PCIF1: variants seen among roughly 807,000 people sequenced by gnomAD.
PCIF1 encodes the protein mRNA (2'-O-methyladenosine-N(6)-)-methyltransferase.
In PCIF1, 12 loss-of-function variants were observed where a neutral mutation model predicts 86.9. That is an observed-to-expected ratio of 0.14 (90% CI 0.09 to 0.22). PCIF1 has a LOEUF of 0.22. Ranked by LOEUF, PCIF1 falls within the 10% of genes least tolerant of loss-of-function variation. The pLI, the probability that PCIF1 is intolerant of heterozygous loss-of-function variation, is 1.00. For synonymous variants in PCIF1, 397 were observed against 372.0 expected, an observed-to-expected ratio of 1.07 and a Z score of -0.77; for missense variants, 701 against 951.1, an observed-to-expected ratio of 0.74 and a Z score of 3.46.
intron 11 of PCIF1, 44 bp from the exon 12 acceptor site, chr20:45,945,667 T>G (rs1600509115): frequency 3.2e-4 from 503 of 1,585,198 alleles, no homozygotes; most frequent in Non-Finnish European, 3.9e-4. Context: ...GGCTGCAGCG[T>G]GAGAATGAGG....
intron 1 of PCIF1, among the ~76,000 whole-genome samples, chr20:45,935,781 A>C (rs2083420086): frequency 6.6e-6 from 1 of 150,680 alleles, no homozygotes; most frequent in Non-Finnish European, 1.5e-5. Context: ...CTCCGTATTT[A>C]TTTCTGGCTT....
In PCIF1 at chr20:45,947,156, C is replaced by T. The variant is rs755982312; in HGVS notation, c.1697C>T (p.Ser566Phe). ...FCEELMDAMVSHFERLLESSP... is the reference protein window; with the variant it reads ...FCEELMDAMVFHFERLLESSP... The stretch of plus-strand genomic sequence containing the variant: ...GAGGAGCTCATGGATGCCATGGTCT[C>T]TCACTTTGAGGTGGGTGCACTGCCA... The change falls in exon 15 of 17, where the codon TCT becomes TTT. Residue 566 changes from serine (S) to phenylalanine (F), a missense_variant. Physicochemically the swap from Ser to Phe is radical, Grantham distance 155. Around this residue, in one of 7 missense-constraint regions of PCIF1, gnomAD observed 174 missense variants for 206.9 expected, o/e 0.84. Transcript: ENST00000372409. The surrounding 1 kb of genome is among the most constrained non-coding windows in gnomAD (Gnocchi z 5.4). The T allele has an allele frequency of 4.2e-5, 67 of 1,613,034 alleles. No individual in the cohort carries two copies. Among genetic ancestry groups the T allele is most frequent in the African/African-American group, 5.3e-5 (4 of 74,914 alleles).
chr20:45,939,790 C>G (rs998829576), intron 4 of PCIF1, among the ~76,000 whole-genome samples: 4 of 152,138 alleles, frequency 2.6e-5, no homozygotes, highest in Non-Finnish European at 4.4e-5. Flanking sequence ...AAAGAACATT[C>G]TAGGATCTGA....
In PCIF1 at chr20:45,934,770, G is replaced by A. The variant is rs1405318396; in HGVS notation, c.-222G>A. 7.5e-6 allele frequency: 3 copies of A among 398,384 alleles called. No homozygotes were observed. The highest frequency in any genetic ancestry group is 3.6e-5 in the East Asian group (1 of 28,050). 24.7% of individuals were successfully genotyped at this position (398,384 alleles called of 1,614,324 possible). Reference sequence around the variant, plus strand: ...GGCAAAACGGGCGGTCGAGCAGAACGTGTAGCCGCGTCCCCTCCAGTCCGC... The same window carrying A: ...GGCAAAACGGGCGGTCGAGCAGAACATGTAGCCGCGTCCCCTCCAGTCCGC... On this transcript the variant is annotated 5_prime_UTR_variant, in exon 1 of 17. The change creates a new upstream start codon in the 5' untranslated region. Coordinates refer to ENST00000372409, the MANE Select transcript of PCIF1 (RefSeq NM_022104.4).
chr20:45,937,235 A>G (rs1051415752), intron 1 of PCIF1, among the ~76,000 whole-genome samples, 183 bp from the exon 2 acceptor site: 6 of 152,212 alleles, frequency 3.9e-5, no homozygotes, highest in Non-Finnish European at 7.3e-5. Flanking sequence ...TCACATGCCC[A>G]TGAAAGCAAA....
At chr20:45,935,962 A>G (rs1023946166) in intron 1 of PCIF1, among the ~76,000 whole-genome samples, 12 of 152,174 alleles carry the variant, frequency 7.9e-5, no homozygotes, top group Non-Finnish European at 1.0e-4. Flanking sequence ...CGGTGCATCA[A>G]TATCACAGGA....
At chr20:45,945,131 G>A in intron 11 of PCIF1, 101 bp downstream of exon 11, 3 of 1,373,596 alleles carry the variant, frequency 2.2e-6, no homozygotes, top group Non-Finnish European at 2.9e-6. Context: ...GGACTGGTTT[G>A]GGGCAGAACC....
Position 45,934,802 on chromosome 20 carries a change from C to A in PCIF1, c.-190C>A, listed in dbSNP as rs1236536433. ...CGCGTCCCCTCCAGTCCGCTCCGGG[C>A]AGGTAAGAGTCCCAGGAAGCCATGG... On this transcript the variant is annotated splice_region_variant and 5_prime_UTR_variant, in exon 1 of 17. Transcript: ENST00000372409. The A allele has an allele frequency of 1.3e-5, 5 of 398,108 alleles. No individual in the cohort carries two copies. Among genetic ancestry groups the A allele is most frequent in the Non-Finnish European group, 1.8e-5 (4 of 225,778 alleles). 24.7% of individuals were successfully genotyped at this position (398,108 alleles called of 1,614,324 possible). A position where few individuals can be genotyped will look rare whatever the true frequency, so the allele number is the denominator to read the frequency against.
At chr20:45,936,158 CTTTAT>C (rs1324735871) in intron 1 of PCIF1, among the ~76,000 whole-genome samples, 3 of 151,918 alleles carry the variant, frequency 2.0e-5, no homozygotes, top group African/African-American at 4.8e-5. Context: ...TCTAAGGGTA[CTTTAT>C]TTTATTTTTT....
Position 45,947,436 on chromosome 20 carries a change from G to C in PCIF1, c.1881G>C (p.Lys627Asn), listed in dbSNP as rs556398791. The stretch of plus-strand genomic sequence containing the variant: ...GCAGTGGCTCCCAGCACATCTGCAA[G>C]AAGTGGGTGCCAGGGAGGGCAGGGG... Reference protein sequence around the residue: ...EYRSGSQHICKKEEMHYKAVH... With the variant: ...EYRSGSQHICNKEEMHYKAVH... The change falls in exon 16 of 17, where the codon AAG (lysine) becomes AAC (asparagine). Residue 627 changes from lysine (K) to asparagine (N), a missense_variant and splice_region_variant. Around this residue, in one of 7 missense-constraint regions of PCIF1, gnomAD observed 174 missense variants for 206.9 expected, o/e 0.84. Coordinates refer to ENST00000372409, the MANE Select transcript of PCIF1 (RefSeq NM_022104.4). The surrounding 1 kb of genome is among the most constrained non-coding windows in gnomAD (Gnocchi z 5.4). 2.5e-6 allele frequency: 4 copies of C among 1,613,856 alleles called. No individual in the cohort carries two copies. The highest frequency in any genetic ancestry group is 3.4e-6 in the Non-Finnish European group (4 of 1,180,004).
intron 11 of PCIF1, among the ~76,000 whole-genome samples, 186 bp from the exon 12 acceptor site, chr20:45,945,525 T>G (rs1411421483): frequency 6.6e-6 from 1 of 152,220 alleles, no homozygotes. Flanking sequence ...GGCCACCAGT[T>G]TCTGCCCCGG....
At position 45,945,732 on chromosome 20, in the gene PCIF1, T is replaced by C. The variant is rs1328497512; in HGVS notation, c.1190T>C (p.Val397Ala). 1.2e-6 allele frequency: 2 copies of C among 1,613,386 alleles called. No homozygotes were observed. Among genetic ancestry groups the C allele is most frequent in the Non-Finnish European group, 1.7e-6 (2 of 1,179,820 alleles). ...ACAGAGGAGGTGGAGGCCCCTGAGG[T>C]GGAGCCCCGCCTAGTGTACTGCTAC... ...NISEEVEAPE[V>A]EPRLVYCYPV... is the part of the protein sequence containing the mutation. The change falls in exon 12 of 17, where the codon GTG (valine) becomes GCG (alanine). Residue 397 changes from valine (V) to alanine (A), a missense_variant. Transcript: ENST00000372409.
chr20:45,940,711 A>AT, intron 5 of PCIF1, 98 bp from the exon 6 acceptor site: 1 of 1,567,768 alleles, frequency 6.4e-7, no homozygotes, highest in Non-Finnish European at 8.6e-7. Context: ...GCCAGCCAGG[A>AT]GGGGGGCCTG....
Position 45,942,800 on chromosome 20 carries a change from A to G in PCIF1, c.674-297A>G, listed in dbSNP as rs541225774. Among the ~76,000 whole-genome samples the G allele has an allele frequency of 6.1e-3, 665 of 108,306 alleles. 10 individuals carry two copies. The highest frequency in any genetic ancestry group is 0.022 in the African/African-American group (629 of 28,468). 71.1% of individuals were successfully genotyped at this position (108,306 alleles called of 152,430 possible). The stretch of plus-strand genomic sequence containing the variant: ...TTTTTTTTTTTTTTTTTTTGTAGAG[A>G]CAGGCTGTTACTGTGTTGCCCAGGC... On this transcript the variant is annotated intron_variant, in intron 7 of 16. Transcript: ENST00000372409.
intron 11 of PCIF1, 150 bp downstream of exon 11, chr20:45,945,180 G>A (rs1600508617): frequency 9.8e-7 from 1 of 1,021,658 alleles, no homozygotes; most frequent in African/African-American, 1.6e-5. Context: ...GGGAAACGGA[G>A]AAGTGATAAA....
Position 45,946,229 on chromosome 20 carries a change from G to C in PCIF1, c.1458G>C (p.Gly486=). 2 of 1,614,194 alleles carry C rather than the reference G, an allele frequency of 1.2e-6. No homozygotes were observed. Among genetic ancestry groups the C allele is most frequent in the Non-Finnish European group, 1.7e-6 (2 of 1,180,048 alleles). ...TGTTCGGCGTGGGCCTCTACGAGGG[G>C]ACTGGCCTGCAGGGATCGCTGCCTG... ...QMMFGVGLYE[G]TGLQGSLPVH... is the part of the protein sequence containing the mutation. The change falls in exon 14 of 17, where the codon GGG becomes GGC. Residue 486 remains glycine, a synonymous_variant. Coordinates refer to ENST00000372409, the MANE Select transcript of PCIF1 (RefSeq NM_022104.4).
At chr20:45,945,571 A>G in intron 11 of PCIF1, 140 bp from the exon 12 acceptor site, 2 of 1,091,900 alleles carry the variant, frequency 1.8e-6, no homozygotes, top group South Asian at 1.7e-5. Flanking sequence ...ATGGCTTTTC[A>G]TTCCCTTTCT....
Position 45,947,880 on chromosome 20 carries a change from C to A in PCIF1, c.*125C>A. ...GAAGATTATGGTTCTGCCAGGGCTC[C>A]CCTCCCTGCCTGTCCCCAAGTCCTC... On this transcript the variant is annotated 3_prime_UTR_variant, in exon 17 of 17. Coordinates refer to ENST00000372409, the MANE Select transcript of PCIF1 (RefSeq NM_022104.4). The surrounding 1 kb of genome is among the most constrained non-coding windows in gnomAD (Gnocchi z 5.4). 6.5e-7 allele frequency: 1 copy of A among 1,530,546 alleles called. No individual in the cohort carries two copies. The highest frequency in any genetic ancestry group is 1.4e-5 in the African/African-American group (1 of 72,496). 94.8% of individuals were successfully genotyped at this position (1,530,546 alleles called of 1,614,324 possible).
At position 45,943,522 on chromosome 20, in the gene PCIF1, G is replaced by A. The variant is rs542462384; in HGVS notation, c.905+99G>A. On this transcript the variant is annotated intron_variant, in intron 9 of 16. Transcript: ENST00000372409. This position sits in a 1 kb window ranked among gnomAD's most constrained non-coding sequence, Gnocchi z 5.5. ...CTCATGCAGGGCTGTCATTGCTCTC[G>A]GTGGCAGAAGTGGGGCCAGCTCCCA... 27 of 1,374,254 alleles carry A rather than the reference G, an allele frequency of 2.0e-5. No individual in the cohort carries two copies. The highest frequency in any genetic ancestry group is 1.2e-4 in the Admixed American group (6 of 50,870). The allele number at this position is 1,374,254 out of a possible 1,614,324, so 85.1% of individuals were successfully genotyped here.
Sources: allele counts gnomAD v4.1 joint callset (sites outside exome capture counted in the v4.1 genomes callset), GRCh38; gene constraint gnomAD v4.1.1; regional missense constraint gnomAD v4.1.1; non-coding constraint Gnocchi (gnomAD v3.1); transcripts MANE v1.5; gene names NCBI Gene and HGNC (gene_info 2026-07-23, HGNC 2026-07-21).